TRIM23: variants seen among roughly 807,000 people sequenced by gnomAD.
The protein encoded by TRIM23 is tripartite motif containing 23, also known as E3 ubiquitin-protein ligase TRIM23.
Under a neutral mutation model 71.0 loss-of-function variants are expected in TRIM23, and 27 were observed. The observed-to-expected ratio is 0.38, with a 90% CI of 0.28 to 0.52. The LOEUF is 0.52. Ranked by LOEUF, TRIM23 falls within the 20% of genes least tolerant of loss-of-function variation. The pLI is 0.84. For synonymous variants in TRIM23, 234 were observed against 238.0 expected (o/e 0.98, Z 0.16); for missense variants, 482 against 692.3 (o/e 0.70, Z 3.41).
rs184717678 is a variant in TRIM23, at chr5:65,605,267, C to G, written c.1045-222G>C. On this transcript the variant is annotated intron_variant, in intron 6 of 10. Coordinates refer to ENST00000231524, the MANE Select transcript of TRIM23 (RefSeq NM_001656.4). Reference sequence around the variant, plus strand: ...TATAGATAAATGGAACACTACATCACAGTGAGAATAAACCATAGCTACACG... The same window carrying G: ...TATAGATAAATGGAACACTACATCAGAGTGAGAATAAACCATAGCTACACG... Among the ~76,000 whole-genome samples, 6 of 152,288 alleles carry G rather than the reference C, an allele frequency of 3.9e-5. No homozygotes were observed. In the East Asian group the frequency reaches 9.6e-4, roughly 24 times the overall value.
chr5:65,607,002 A>G (rs1378018724), intron 6 of TRIM23: 2 of 152,250 alleles, frequency 1.3e-5, no homozygotes, highest in Admixed American at 6.5e-5. Flanking sequence ...TACTCAATAC[A>G]TATTTGCTAA....
chr5:65,594,317 A>T (rs1754132231), intron 10 of TRIM23, among the ~76,000 whole-genome samples: 1 of 152,146 alleles, frequency 6.6e-6, no homozygotes, highest in Non-Finnish European at 1.5e-5. Flanking sequence ...CATACACAGG[A>T]GTTTCTGGTG....
At chr5:65,606,859 T>C (rs1449584893) in intron 6 of TRIM23, 4 of 152,254 alleles carry the variant, frequency 2.6e-5, no homozygotes, top group Admixed American at 6.5e-5. Context: ...TTCTAACATA[T>C]AGTATAATTA....
At chr5:65,592,543 A>G (rs1754073106) in intron 10 of TRIM23, among the ~76,000 whole-genome samples, 1 of 151,782 alleles carries the variant, frequency 6.6e-6, no homozygotes, top group South Asian at 2.1e-4. Context: ...AGTGTAAGGC[A>G]TCAACTTAAA....
chr5:65,606,623 A>T (rs968941932), intron 6 of TRIM23, among the ~76,000 whole-genome samples: 1 of 152,172 alleles, frequency 6.6e-6, no homozygotes, highest in Admixed American at 6.5e-5. Context: ...CCTCAAACAT[A>T]CCAGGCATGC....
chr5:65,600,112 G>T (rs1411397660), intron 7 of TRIM23, among the ~76,000 whole-genome samples: 1 of 152,128 alleles, frequency 6.6e-6, no homozygotes, highest in Non-Finnish European at 1.5e-5. Flanking sequence ...GATCTCATGA[G>T]AACTCACCTA....
chr5:65,604,885 C>A, intron 7 of TRIM23, 26 bp downstream of exon 7: 3 of 1,540,858 alleles, frequency 1.9e-6, no homozygotes, highest in South Asian at 1.3e-5. Context: ...AGAAAAAATA[C>A]CTAAAAATAA....
intron 8 of TRIM23, 41 bp from the exon 9 acceptor site, chr5:65,596,572 T>A: frequency 8.4e-7 from 1 of 1,191,146 alleles, no homozygotes; most frequent in Non-Finnish European, 1.2e-6. Flanking sequence ...ATATTTGTAT[T>A]TACAATGAAT....
chr5:65,619,286 G>A (rs1007054138), intron 1 of TRIM23, among the ~76,000 whole-genome samples: 1 of 152,016 alleles, frequency 6.6e-6, no homozygotes, highest in African/African-American at 2.4e-5. Flanking sequence ...TTGTCCTTTG[G>A]GCCCCGATGT....
At chr5:65,602,777 G>A (rs1754395898) in intron 7 of TRIM23, among the ~76,000 whole-genome samples, 1 of 152,158 alleles carries the variant, frequency 6.6e-6, no homozygotes, top group Non-Finnish European at 1.5e-5. Flanking sequence ...AGCAAAAGCA[G>A]AAACCCCTAA....
rs909712980 is a variant in TRIM23 at position 65,591,769 on chromosome 5, T to G, written c.1725A>C (p.Ter575CysextTer2). 6.2e-7 allele frequency: 1 copy of G among 1,603,966 alleles called. No individual in the cohort carries two copies. Among genetic ancestry groups the G allele is most frequent in the Non-Finnish European group, 8.5e-7 (1 of 1,174,076 alleles). Residue 575 changes from the stop codon to cysteine, a stop_lost, in exon 11 of 11, where the codon TGA becomes TGC. Transcript: ENST00000231524. ...LVAAGVLDVA[*>C] ...CTTCAAACAACTGCTGCCTTTAAAA[T>G]CAAGCAACATCCAATACTCCAGCAG...
In TRIM23 at chr5:65,591,714, C is replaced by G; in HGVS notation, c.*55G>C. On this transcript the variant is annotated 3_prime_UTR_variant, in exon 11 of 11. Coordinates refer to ENST00000231524, the MANE Select transcript of TRIM23 (RefSeq NM_001656.4). ...GAGATGTATAATTTCTTAAAACATA[C>G]TATGTGCAAAGTTACTTTTAACCAC... The G allele has an allele frequency of 6.6e-7, 1 of 1,525,070 alleles. No individual in the cohort carries two copies. The highest frequency in any genetic ancestry group is 8.8e-7 in the Non-Finnish European group (1 of 1,131,722). 94.5% of individuals were successfully genotyped at this position (1,525,070 alleles called of 1,614,324 possible). A position where few individuals can be genotyped will look rare whatever the true frequency, so the allele number is the denominator to read the frequency against.
chr5:65,623,749 T>A (rs1755022350), intron 1 of TRIM23, among the ~76,000 whole-genome samples: 1 of 152,186 alleles, frequency 6.6e-6, no homozygotes, highest in African/African-American at 2.4e-5. Context: ...TGCCACACAC[T>A]GTTTACCTAA....
At chr5:65,622,700 T>A (rs1754977233) in intron 1 of TRIM23, among the ~76,000 whole-genome samples, 1 of 152,214 alleles carries the variant, frequency 6.6e-6, no homozygotes, top group African/African-American at 2.4e-5. Context: ...GAAGATTTTG[T>A]CAGAAAGGAC....
chr5:65,620,471 T>C (rs545647533), intron 1 of TRIM23, among the ~76,000 whole-genome samples: 1 of 152,330 alleles, frequency 6.6e-6, no homozygotes, highest in African/African-American at 2.4e-5. Context: ...CTATATAGGA[T>C]AGTGAGAAAG....
intron 7 of TRIM23, among the ~76,000 whole-genome samples, chr5:65,602,397 G>C (rs1754385688): frequency 6.6e-6 from 1 of 152,108 alleles, no homozygotes; most frequent in Non-Finnish European, 1.5e-5. Flanking sequence ...ACCTCAGCCT[G>C]GATTTCGCCA....
chr5:65,611,570 A>G, intron 4 of TRIM23, 33 bp downstream of exon 4: 1 of 1,596,440 alleles, frequency 6.3e-7, no homozygotes, highest in Non-Finnish European at 8.6e-7. Context: ...AAGTAGCTAC[A>G]GTGATCCAAC....
At chr5:65,598,661 T>C (rs1364460877) in intron 7 of TRIM23, among the ~76,000 whole-genome samples, 1 of 151,074 alleles carries the variant, frequency 6.6e-6, no homozygotes, top group Non-Finnish European at 1.5e-5. Flanking sequence ...GGCAGAAGAA[T>C]CGCTTGAACC....
rs1215263802 is a variant in TRIM23 at position 65,597,060 on chromosome 5, G to A, written c.1300C>T (p.Pro434Ser). 1.2e-6 allele frequency: 2 copies of A among 1,613,940 alleles called. No individual in the cohort carries two copies. The highest frequency in any genetic ancestry group is 3.3e-5 in the Admixed American group (2 of 59,998). Residue 434 changes from proline (P) to serine (S), a missense_variant, in exon 8 of 11, where the codon CCA becomes TCA. By Grantham distance (74) the Pro-to-Ser change is moderately conservative (BLOSUM62 -1). Coordinates refer to ENST00000231524, the MANE Select transcript of TRIM23 (RefSeq NM_001656.4). ...CAATATTCATACTTACCAATTGTTG[G>A]AATGGGCTGCATGAATTCATCCTGT... is the stretch of plus-strand genomic sequence containing the variant. ...LKQDEFMQPI[P>S]TIGFNVETVE...
Sources: allele counts gnomAD v4.1 joint callset (sites outside exome capture counted in the v4.1 genomes callset), GRCh38; gene constraint gnomAD v4.1.1; transcripts MANE v1.5; gene names NCBI Gene and HGNC (gene_info 2026-07-23, HGNC 2026-07-21).